The following PACS1 variants were observed in gnomAD, a reference collection of about 807,000 sequenced individuals.
The protein encoded by PACS1 is PACS-1.
In PACS1, 24 loss-of-function variants were observed where a neutral mutation model predicts 115.0. The observed-to-expected ratio is 0.21, with a 90% CI of 0.15 to 0.29. PACS1 has a LOEUF of 0.29. PACS1 is among the 10% of genes least tolerant of loss of function. PACS1 has a pLI of 1.00. For synonymous variants in PACS1, 453 were observed against 504.5 expected (o/e 0.90, Z 1.37); for missense variants, 838 against 1,251.2 (o/e 0.67, Z 4.98).
intron 1 of PACS1, among the ~76,000 whole-genome samples, chr11:66,158,963 C>T (rs1237990348): frequency 6.6e-6 from 1 of 152,086 alleles, no homozygotes; most frequent in Non-Finnish European, 1.5e-5. Flanking sequence ...ATTTTAAAAG[C>T]ATCAGAGAGA....
At chr11:66,180,085 G>T (rs1262857972) in intron 1 of PACS1, among the ~76,000 whole-genome samples, 2 of 151,970 alleles carry the variant, frequency 1.3e-5, no homozygotes, top group South Asian at 2.1e-4. Context: ...CAGGTGATCC[G>T]CCTGCCTCAG....
chr11:66,095,376 A>C (rs1400943731), intron 1 of PACS1, among the ~76,000 whole-genome samples: 1 of 152,130 alleles, frequency 6.6e-6, no homozygotes, highest in Non-Finnish European at 1.5e-5. Context: ...AATGTACAAA[A>C]ATCACAAGCA....
intron 1 of PACS1, among the ~76,000 whole-genome samples, chr11:66,080,248 A>G (rs954974562): frequency 6.6e-6 from 1 of 152,232 alleles, no homozygotes; most frequent in Admixed American, 6.5e-5. Context: ...TGTGCCAAGC[A>G]CTGATCTAGG....
At chr11:66,127,257 T>C (rs1858600754) in intron 1 of PACS1, among the ~76,000 whole-genome samples, 1 of 152,206 alleles carries the variant, frequency 6.6e-6, no homozygotes, top group African/African-American at 2.4e-5. Context: ...TAGAAACACA[T>C]TTACGTCAAC....
chr11:66,238,238 A>G, intron 19 of PACS1: 1 of 985,296 alleles, frequency 1.0e-6, no homozygotes, highest in Non-Finnish European at 1.2e-6. Context: ...TCCACACCTT[A>G]GCACGTCCAC....
Position 66,233,016 on chromosome 11 carries a change from C to A in PACS1, c.1788C>A (p.Thr596=). The change falls in exon 15 of 24, where the codon ACC becomes ACA. Residue 596 remains threonine, a synonymous_variant. Coordinates refer to ENST00000320580, the MANE Select transcript of PACS1 (RefSeq NM_018026.4). The surrounding 1 kb of genome is among the most constrained non-coding windows in gnomAD (Gnocchi z 4.5). ...AGCCTGTGGTGTGCACCTGCTCCAC[C>A]GTGGAGGTCCAGGCCGTGCTGTCCG... ...QRKPVVCTCS[T]VEVQAVLSAL... is the part of the protein sequence containing the mutation. 6.2e-7 allele frequency: 1 copy of A among 1,612,364 alleles called. No individual in the cohort carries two copies. The highest frequency in any genetic ancestry group is 8.5e-7 in the Non-Finnish European group (1 of 1,179,988).
At chr11:66,205,774 A>G (rs1394214621) in intron 2 of PACS1, among the ~76,000 whole-genome samples, 1 of 151,560 alleles carries the variant, frequency 6.6e-6, no homozygotes, top group African/African-American at 2.4e-5. Context: ...GATTACAGGC[A>G]TGAGCCACCA....
At chr11:66,207,050 C>T (rs1363779232) in intron 2 of PACS1, among the ~76,000 whole-genome samples, 1 of 152,178 alleles carries the variant, frequency 6.6e-6, no homozygotes, top group Admixed American at 6.5e-5. Flanking sequence ...GTCTGTGTCC[C>T]CACTGTTTCC....
chr11:66,070,702 C>T lies in PACS1; in HGVS notation c.216C>T (p.Thr72=), dbSNP rs767636532. ...AAAASSSSSS[T]STSMAVAVAS... ...CTGCCTCCTCCTCGTCCTCGTCTAC[C>T]TCCACCTCCATGGCCGTGGCGGTGG... is the stretch of plus-strand genomic sequence containing the variant. Residue 72 remains threonine, a synonymous_variant, in exon 1 of 24, where the codon ACC becomes ACT. Transcript: ENST00000320580. The surrounding 1 kb of genome is among the most constrained non-coding windows in gnomAD (Gnocchi z 5.9). 2 of 1,580,062 alleles carry T rather than the reference C, an allele frequency of 1.3e-6. No homozygotes were observed. Among genetic ancestry groups the T allele is most frequent in the African/African-American group, 1.4e-5 (1 of 72,044 alleles).
At chr11:66,155,818 A>G (rs1163591901) in intron 1 of PACS1, among the ~76,000 whole-genome samples, 6 of 152,148 alleles carry the variant, frequency 3.9e-5, no homozygotes, top group East Asian at 1.9e-4. Flanking sequence ...GCTGGAAACA[A>G]TCCGGGGGCT....
chr11:66,126,431 A>C (rs550911433), intron 1 of PACS1, among the ~76,000 whole-genome samples: 1 of 152,226 alleles, frequency 6.6e-6, no homozygotes, highest in Non-Finnish European at 1.5e-5. Context: ...GTTTTCCTTA[A>C]TTGGAACCTG....
Position 66,216,700 on chromosome 11 carries a change from G to A in PACS1, c.903G>A (p.Leu301=), listed in dbSNP as rs980158654. The change falls in exon 7 of 24, where the codon TTG becomes TTA. Residue 301 remains leucine, a synonymous_variant. Coordinates refer to ENST00000320580, the MANE Select transcript of PACS1 (RefSeq NM_018026.4). Reference sequence around the variant, plus strand: ...CTGTCCCTGTACCCACTTAGGACTTGTTCTACGAAGACGAAGATCTCCGGA... The same window carrying A: ...CTGTCCCTGTACCCACTTAGGACTTATTCTACGAAGACGAAGATCTCCGGA... The part of the protein sequence containing the change: ...GSDDPLHGQD[L]FYEDEDLRKV... The A allele has an allele frequency of 3.7e-6, 6 of 1,613,890 alleles. No individual in the cohort carries two copies. Among genetic ancestry groups the A allele is most frequent in the Non-Finnish European group, 5.1e-6 (6 of 1,179,858 alleles).
In PACS1 at chr11:66,193,379, G is replaced by A. The variant is rs113808038; in HGVS notation, c.357-107G>A. 4,575 of 702,408 alleles carry A rather than the reference G, an allele frequency of 6.5e-3. 25 individuals are homozygous for A. Among genetic ancestry groups the A allele is most frequent in the Middle Eastern group, 0.01 (43 of 4,144 alleles). 43.5% of individuals were successfully genotyped at this position (702,408 alleles called of 1,614,324 possible). On this transcript the variant is annotated intron_variant, in intron 1 of 23. Transcript: ENST00000320580. Reference sequence around the variant, plus strand: ...GGGGACCCCTGGGACTGAGGACAGCGTTCTCACATTCTTACTTCAGGTAAG... The same window carrying A: ...GGGGACCCCTGGGACTGAGGACAGCATTCTCACATTCTTACTTCAGGTAAG...
chr11:66,126,197 A>G (rs1457350566), intron 1 of PACS1, among the ~76,000 whole-genome samples: 1 of 152,164 alleles, frequency 6.6e-6, no homozygotes, highest in African/African-American at 2.4e-5. Flanking sequence ...TCATAGTTGT[A>G]TACAGTAATC....
intron 1 of PACS1, among the ~76,000 whole-genome samples, chr11:66,113,685 T>TGG (rs1858237251): frequency 2.0e-5 from 3 of 152,376 alleles, no homozygotes; most frequent in Middle Eastern, 3.4e-3. Flanking sequence ...TTCCTCCTGT[T>TGG]CCTGTTAATA....
intron 1 of PACS1, among the ~76,000 whole-genome samples, chr11:66,165,805 C>T (rs1859587540): frequency 6.6e-6 from 1 of 152,076 alleles, no homozygotes; most frequent in Non-Finnish European, 1.5e-5. Context: ...ATTTGAACTC[C>T]TGGGCTTAAA....
chr11:66,238,323 A>G lies in PACS1; in HGVS notation c.2251-481A>G, dbSNP rs559967839. 3.2e-5 allele frequency: 32 copies of G among 985,372 alleles called. No homozygotes were observed. The African/African-American group carries it at 5.1e-4, about 16-fold the overall frequency. 61.0% of individuals were successfully genotyped at this position (985,372 alleles called of 1,614,324 possible). ...CCTCTGCCCACAGGACCTTAGAGAA[A>G]CAACATCAGGACATCACAGTGATTC... On this transcript the variant is annotated intron_variant, in intron 19 of 23. Transcript: ENST00000320580.
chr11:66,098,973 G>C (rs932805210), intron 1 of PACS1, among the ~76,000 whole-genome samples: 2 of 152,096 alleles, frequency 1.3e-5, no homozygotes, highest in African/African-American at 4.8e-5. Flanking sequence ...GCTCATGTTG[G>C]TGTCTTCCAG....
At chr11:66,096,543 G>T (rs1245983200) in intron 1 of PACS1, among the ~76,000 whole-genome samples, 3 of 136,742 alleles carry the variant, frequency 2.2e-5, no homozygotes, top group Middle Eastern at 4.1e-3. Context: ...CACTCTTGTT[G>T]CCCAGGCTGG....
Sources: allele counts gnomAD v4.1 joint callset (sites outside exome capture counted in the v4.1 genomes callset), GRCh38; gene constraint gnomAD v4.1.1; non-coding constraint Gnocchi (gnomAD v3.1); transcripts MANE v1.5; gene names NCBI Gene and HGNC (gene_info 2026-07-23, HGNC 2026-07-21).